The following ZNF660 variants were observed in gnomAD, a reference collection of about 807,000 sequenced individuals.
The protein encoded by ZNF660 is zinc finger protein 660.
Under a neutral mutation model 23.2 loss-of-function variants are expected in ZNF660, and 24 were observed. The ratio of observed to expected loss-of-function variants is 1.04; its 90% CI spans 0.75 to 1.46. ZNF660 has a LOEUF of 1.46. Ranked by LOEUF, ZNF660 falls within the 40% of genes most tolerant of loss-of-function variation. The pLI, the probability that ZNF660 is intolerant of heterozygous loss-of-function variation, is 0.00. For missense variants in ZNF660, 373 were observed against 396.8 expected, an observed-to-expected ratio of 0.94 and a Z score of 0.51; for synonymous variants, 117 against 131.4, an observed-to-expected ratio of 0.89 and a Z score of 0.75.
Position 44,595,624 on chromosome 3 carries a change from T to A in ZNF660, c.*435T>A, listed in dbSNP as rs1700584036. ...TAGGTGATTTCTATTTTCTTCTGTATACTTTTCTATGCTTTCTAGATTATC... is the reference window on the plus strand; with the variant it reads ...TAGGTGATTTCTATTTTCTTCTGTAAACTTTTCTATGCTTTCTAGATTATC... On this transcript the variant is annotated 3_prime_UTR_variant, in exon 3 of 3. Coordinates refer to ENST00000322734, the MANE Select transcript of ZNF660 (RefSeq NM_173658.4). The A allele has an allele frequency of 5.9e-6, 1 of 169,614 alleles. No individual in the cohort carries two copies. The highest frequency in any genetic ancestry group is 2.4e-5 in the African/African-American group (1 of 41,484). The allele number at this position is 169,614 out of a possible 1,614,324, so 10.5% of individuals were successfully genotyped here. A position where few individuals can be genotyped will look rare whatever the true frequency, so the allele number is the denominator to read the frequency against.
In ZNF660 at chr3:44,593,994, A is replaced by T; in HGVS notation, c.-180-20A>T. 1 of 710,978 alleles carries T rather than the reference A, an allele frequency of 1.4e-6. No individual in the cohort carries two copies. The highest frequency in any genetic ancestry group is 2.5e-6 in the Non-Finnish European group (1 of 392,356). 44.0% of individuals were successfully genotyped at this position (710,978 alleles called of 1,614,324 possible). A position where few individuals can be genotyped will look rare whatever the true frequency, so the allele number is the denominator to read the frequency against. Reference sequence around the variant, plus strand: ...GTACAGAGAATAGGTGACATGTGCAATTTCTGTTTCTCCTGTCAGATGGTG... The same window carrying T: ...GTACAGAGAATAGGTGACATGTGCATTTTCTGTTTCTCCTGTCAGATGGTG... On this transcript the variant is annotated intron_variant, in intron 2 of 2. Coordinates refer to ENST00000322734, the MANE Select transcript of ZNF660 (RefSeq NM_173658.4).
chr3:44,589,729 A>G (rs1431892285), intron 2 of ZNF660, among the ~76,000 whole-genome samples: 11 of 152,202 alleles, frequency 7.2e-5, no homozygotes, highest in Non-Finnish European at 1.5e-4. Context: ...GTTTATATCC[A>G]TATTTTTCAT....
In ZNF660 at chr3:44,594,513, C is replaced by T; in HGVS notation, c.320C>T (p.Thr107Ile). 2 of 1,614,152 alleles carry T rather than the reference C, an allele frequency of 1.2e-6. No individual in the cohort carries two copies. The highest frequency in any genetic ancestry group is 1.7e-6 in the Non-Finnish European group (2 of 1,180,038). ...RRIHTGLKPY[T>I]CSECGKSFSG... is the part of the protein sequence containing the mutation. ...ATCCACACTGGACTGAAGCCCTATA[C>T]ATGCAGTGAATGTGGGAAATCTTTC... is the stretch of plus-strand genomic sequence containing the variant. The change falls in exon 3 of 3, where the codon ACA becomes ATA. Residue 107 changes from threonine (T) to isoleucine (I), a missense_variant. By Grantham distance (89) the Thr-to-Ile change is moderately conservative (BLOSUM62 -1). Coordinates refer to ENST00000322734, the MANE Select transcript of ZNF660 (RefSeq NM_173658.4).
chr3:44,591,158 T>A (rs1700411151), intron 2 of ZNF660, among the ~76,000 whole-genome samples: 1 of 152,186 alleles, frequency 6.6e-6, no homozygotes, highest in East Asian at 1.9e-4. Context: ...AGACAAAGTC[T>A]TGCTCTGTTG....
At chr3:44,593,883 C>T (rs944719925) in intron 2 of ZNF660, 131 bp from the exon 3 acceptor site, 25 of 429,114 alleles carry the variant, frequency 5.8e-5, no homozygotes, top group Non-Finnish European at 1.1e-4. Context: ...TTTTTGTCAT[C>T]TTTTTGATCT....
intron 2 of ZNF660, among the ~76,000 whole-genome samples, chr3:44,589,827 C>T (rs1025310430): frequency 5.3e-5 from 8 of 152,194 alleles, no homozygotes; most frequent in African/African-American, 1.7e-4. Context: ...AAATGTTGAG[C>T]GCTTACCATG....
chr3:44,596,728 G>T lies in ZNF660; in HGVS notation c.*1539G>T, dbSNP rs1700621975. The stretch of plus-strand genomic sequence containing the variant: ...ACACAACTCCTTCAGATTGGGAACT[G>T]GAAAAGGAGCTGAGGCTTTCTCATC... On this transcript the variant is annotated 3_prime_UTR_variant, in exon 3 of 3. Transcript: ENST00000322734. 1 of 152,162 alleles carries T rather than the reference G, an allele frequency of 6.6e-6. No homozygotes were observed. 9.4% of individuals were successfully genotyped at this position (152,162 alleles called of 1,614,324 possible).
Position 44,594,952 on chromosome 3 carries a change from G to A in ZNF660, c.759G>A (p.Lys253=). 1 of 1,613,874 alleles carries A rather than the reference G, an allele frequency of 6.2e-7. No homozygotes were observed. Among genetic ancestry groups the A allele is most frequent in the Non-Finnish European group, 8.5e-7 (1 of 1,179,990 alleles). ...EKPYKCNECG[K]AFTSNRNLVD... is the part of the protein sequence containing the mutation. ...CTTACAAATGTAATGAGTGTGGGAA[G>A]GCTTTTACTTCTAATCGAAACCTTG... Residue 253 remains lysine, a synonymous_variant, in exon 3 of 3, where the codon AAG becomes AAA. Coordinates refer to ENST00000322734, the MANE Select transcript of ZNF660 (RefSeq NM_173658.4).
intron 1 of ZNF660, among the ~76,000 whole-genome samples, chr3:44,585,333 G>A (rs1700193615): frequency 6.6e-6 from 1 of 152,212 alleles, no homozygotes; most frequent in South Asian, 2.1e-4. Flanking sequence ...CAGCCCCTGA[G>A]TATTTGACTC....
At chr3:44,591,776 C>A (rs909052250) in intron 2 of ZNF660, among the ~76,000 whole-genome samples, 1 of 152,102 alleles carries the variant, frequency 6.6e-6, no homozygotes, top group African/African-American at 2.4e-5. Flanking sequence ...AGGTGGATCA[C>A]CTGAGGTCAG....
intron 2 of ZNF660, among the ~76,000 whole-genome samples, chr3:44,589,649 T>C (rs1434628078): frequency 1.3e-5 from 2 of 152,148 alleles, no homozygotes; most frequent in South Asian, 2.1e-4. Context: ...AAAAAGAATA[T>C]AGAATGGAGA....
rs1161720477 is a variant in ZNF660 at position 44,596,622 on chromosome 3, T to TC, written c.*1435dup. The TC allele has an allele frequency of 6.8e-4, 103 of 152,306 alleles. 1 individual carries two copies. The highest frequency in any genetic ancestry group is 2.5e-3 in the African/African-American group (103 of 41,566). The allele number at this position is 152,306 out of a possible 1,614,324, so 9.4% of individuals were successfully genotyped here. ...CACTTCATCACACTTCTCTCTTAACTCCATAATTTTCAGCATGTTGACTTT... is the reference window on the plus strand; with the variant it reads ...CACTTCATCACACTTCTCTCTTAACTCCCATAATTTTCAGCATGTTGACTTT... On this transcript the variant is annotated 3_prime_UTR_variant, in exon 3 of 3. Coordinates refer to ENST00000322734, the MANE Select transcript of ZNF660 (RefSeq NM_173658.4).
chr3:44,592,780 G>A (rs895354701), intron 2 of ZNF660, among the ~76,000 whole-genome samples: 8 of 152,316 alleles, frequency 5.3e-5, no homozygotes, highest in East Asian at 1.9e-4. Flanking sequence ...CTGGCTGGGC[G>A]CGGTGGCTAA....
At chr3:44,593,929 G>A in intron 2 of ZNF660, 85 bp from the exon 3 acceptor site, 1 of 558,786 alleles carries the variant, frequency 1.8e-6, no homozygotes, top group East Asian at 4.1e-5. Context: ...CCTTCCATAT[G>A]GCTACCACAT....
chr3:44,595,169 G>A lies in ZNF660; in HGVS notation c.976G>A (p.Glu326Lys), dbSNP rs1700572059. Residue 326 changes from glutamate to lysine, a missense_variant, in exon 3 of 3, where the codon GAG (glutamate) becomes AAG (lysine). Glu to Lys is a moderately conservative substitution (Grantham distance 56, BLOSUM62 1). Transcript: ENST00000322734. ...TATTCAACACCAGAGGAAACATAATGAGGAGAAAGAAACCTCATAAATAAC... is the reference window on the plus strand; with the variant it reads ...TATTCAACACCAGAGGAAACATAATAAGGAGAAAGAAACCTCATAAATAAC... The part of the protein sequence containing the change: ...QLIQHQRKHN[E>K]EKETS 1.3e-6 allele frequency: 2 copies of A among 1,574,976 alleles called. No individual in the cohort carries two copies. Among genetic ancestry groups the A allele is most frequent in the Non-Finnish European group, 1.7e-6 (2 of 1,163,102 alleles).
intron 2 of ZNF660, among the ~76,000 whole-genome samples, chr3:44,590,211 G>T (rs1432782342): frequency 6.6e-6 from 1 of 151,814 alleles, no homozygotes; most frequent in African/African-American, 2.4e-5. Context: ...TAGTGTGCTT[G>T]GGTTACCATA....
At chr3:44,589,776 G>A (rs554662092) in intron 2 of ZNF660, among the ~76,000 whole-genome samples, 2 of 152,112 alleles carry the variant, frequency 1.3e-5, no homozygotes, top group South Asian at 4.2e-4. Context: ...ATCACTTCAG[G>A]CAGCTTGATT....
rs1700722263 is a variant in ZNF660 at position 44,599,341 on chromosome 3, C to T, written c.*4152C>T. The T allele has an allele frequency of 6.6e-6, 1 of 152,092 alleles. No homozygotes were observed. The highest frequency in any genetic ancestry group is 2.4e-5 in the African/African-American group (1 of 41,420). The allele number at this position is 152,092 out of a possible 1,614,324, so 9.4% of individuals were successfully genotyped here. On this transcript the variant is annotated 3_prime_UTR_variant, in exon 3 of 3. Coordinates refer to ENST00000322734, the MANE Select transcript of ZNF660 (RefSeq NM_173658.4). ...ATTCTGCTTAGAGAGGAAAGTGTCG[C>T]CCTGGACTTAGAAATCTTTTTTCAT...
rs149266137 is a variant in ZNF660 at position 44,588,480 on chromosome 3, C to T, written c.-181+2267C>T. Among the ~76,000 whole-genome samples, 7 of 152,072 alleles carry T rather than the reference C, an allele frequency of 4.6e-5. No homozygotes were observed. The East Asian group carries it at 1.4e-3, about 29-fold the overall frequency. ...ATGATATCACTTTTCTAACCCAAAT[C>T]CCTTTCTCAGTAAGCTTATCTGTTT... On this transcript the variant is annotated intron_variant, in intron 2 of 2. Coordinates refer to ENST00000322734, the MANE Select transcript of ZNF660 (RefSeq NM_173658.4).
Sources: gnomAD v4.1 joint callset for allele counts (sites outside exome capture counted in the v4.1 genomes callset) on GRCh38, gnomAD v4.1.1 for gene constraint, MANE v1.5 for transcripts, NCBI Gene and HGNC (gene_info 2026-07-23, HGNC 2026-07-21) for gene names.